BCR: variants seen among roughly 807,000 people sequenced by gnomAD.
BCR encodes the protein breakpoint cluster region protein.
Under a neutral mutation model 138.6 loss-of-function variants are expected in BCR, and 58 were observed. The ratio of observed to expected loss-of-function variants is 0.42; its 90% CI spans 0.34 to 0.52. BCR has a LOEUF of 0.52. BCR is among the 20% of genes least tolerant of loss of function. The pLI is 0.06. For synonymous variants in BCR, 786 were observed against 730.1 expected (o/e 1.08, Z -1.23); for missense variants, 1,599 against 1,727.2 (o/e 0.93, Z 1.32).
At chr22:23,208,682 G>A (rs960640062) in intron 1 of BCR, among the ~76,000 whole-genome samples, 2 of 152,022 alleles carry the variant, frequency 1.3e-5, no homozygotes, top group East Asian at 1.9e-4. Flanking sequence ...GTGAAACCCC[G>A]TCTCTACTAA....
At chr22:23,214,841 A>G (rs984944160) in intron 1 of BCR, among the ~76,000 whole-genome samples, 7 of 152,054 alleles carry the variant, frequency 4.6e-5, no homozygotes, top group Admixed American at 3.9e-4. Flanking sequence ...AAAATTTACC[A>G]CTTCAGCCAT....
At chr22:23,275,705 T>A (rs2073567672) in intron 8 of BCR, among the ~76,000 whole-genome samples, 1 of 152,226 alleles carries the variant, frequency 6.6e-6, no homozygotes. Context: ...TAAGTGGATG[T>A]TGGATTTGCT....
chr22:23,264,080 C>G, intron 4 of BCR: 2 of 1,295,190 alleles, frequency 1.5e-6, no homozygotes, highest in Admixed American at 1.7e-5. Flanking sequence ...GCTACTGGGA[C>G]TGCCGCACCA....
chr22:23,303,081 A>C (rs1393996064), intron 16 of BCR, among the ~76,000 whole-genome samples: 1 of 151,114 alleles, frequency 6.6e-6, no homozygotes, highest in African/African-American at 2.4e-5. Context: ...TGGCTCAGCA[A>C]TTTCTAGTGC....
chr22:23,209,021 C>T (rs189717826), intron 1 of BCR, among the ~76,000 whole-genome samples: 139 of 152,270 alleles, frequency 9.1e-4, no homozygotes, highest in African/African-American at 3.2e-3. Context: ...TTTCACGTAA[C>T]GTCATGTCCT....
intron 20 of BCR, 43 bp from the exon 21 acceptor site, chr22:23,313,925 T>C: frequency 2.0e-6 from 3 of 1,530,596 alleles, no homozygotes; most frequent in Non-Finnish European, 2.7e-6. Context: ...GAGAGGTCTC[T>C]GGCTCGTTGT....
chr22:23,238,332 A>G (rs147803114), intron 1 of BCR, among the ~76,000 whole-genome samples: 20 of 152,096 alleles, frequency 1.3e-4, no homozygotes, highest in African/African-American at 4.3e-4. Context: ...TCCGGGGGAA[A>G]ATCCATTTGA....
At chr22:23,281,031 C>T (rs927789968) in intron 8 of BCR, among the ~76,000 whole-genome samples, 1 of 152,228 alleles carries the variant, frequency 6.6e-6, no homozygotes, top group Non-Finnish European at 1.5e-5. Context: ...AGGCCACAGG[C>T]CTGTGTGGGG....
intron 1 of BCR, among the ~76,000 whole-genome samples, chr22:23,196,550 T>C (rs5759637): frequency 0.29 from 44,094 of 152,004 alleles, 6,502 homozygotes; most frequent in East Asian, 0.35. Context: ...GGTTCCAGGA[T>C]TCCCTTGGGC....
At chr22:23,220,076 G>C (rs1602028530) in intron 1 of BCR, among the ~76,000 whole-genome samples, 1 of 152,188 alleles carries the variant, frequency 6.6e-6, no homozygotes, top group African/African-American at 2.4e-5. Context: ...TCTGCCACCT[G>C]CCCTTTGAGG....
chr22:23,216,852 T>C (rs768127261), intron 1 of BCR, among the ~76,000 whole-genome samples: 7 of 152,244 alleles, frequency 4.6e-5, no homozygotes, highest in Non-Finnish European at 7.3e-5. Context: ...TTGCTTCTCA[T>C]GGAGGCTAGG....
rs140504 is a variant in BCR at position 23,285,182 on chromosome 22, A to G, written c.2387A>G (p.Asn796Ser). Residue 796 changes from asparagine to serine, a missense_variant, in exon 10 of 23, where the codon AAT becomes AGT. Transcript: ENST00000305877. ...AAGATCAAGATCTCCCAGATCAAGA[A>G]TGACATCCAGAGAGAGAAGGTGCAC... ...ALKIKISQIKNDIQREKRANK... is the reference protein window; with the variant it reads ...ALKIKISQIKSDIQREKRANK... The G allele has an allele frequency of 0.84, 1,347,619 of 1,612,318 alleles. 567,233 individuals are homozygous for G. Among genetic ancestry groups the G allele is most frequent in the African/African-American group, 0.94 (70,316 of 74,972 alleles).
intron 14 of BCR, among the ~76,000 whole-genome samples, chr22:23,291,655 G>T (rs3788360): frequency 2.0e-5 from 3 of 151,722 alleles, no homozygotes; most frequent in African/African-American, 7.3e-5. Flanking sequence ...TCCTTGCCCC[G>T]TGCACTCAAC....
chr22:23,310,044 A>G (rs1282205941), intron 17 of BCR: 2 of 453,150 alleles, frequency 4.4e-6, no homozygotes, highest in Non-Finnish European at 8.3e-6. Context: ...CCTGGGCAAC[A>G]TTGCAAGCTC....
chr22:23,192,362 C>T (rs2072426745), intron 1 of BCR, among the ~76,000 whole-genome samples: 1 of 152,166 alleles, frequency 6.6e-6, no homozygotes, highest in South Asian at 2.1e-4. Flanking sequence ...AATGACTTTG[C>T]GGAGGTGGAG....
intron 1 of BCR, among the ~76,000 whole-genome samples, chr22:23,238,220 A>AG (rs1035593084): frequency 6.6e-6 from 1 of 152,090 alleles, no homozygotes; most frequent in Non-Finnish European, 1.5e-5. Flanking sequence ...CCTTGGAGGT[A>AG]GGGTGGGGGA....
chr22:23,249,668 G>T (rs952853625), intron 1 of BCR, among the ~76,000 whole-genome samples: 9 of 152,186 alleles, frequency 5.9e-5, no homozygotes, highest in African/African-American at 2.2e-4. Context: ...GAAAAAGCAG[G>T]TTCCTGTGTG....
chr22:23,295,254 T>G, intron 16 of BCR, 99 bp downstream of exon 16: 77 of 509,772 alleles, frequency 1.5e-4, no homozygotes, highest in East Asian at 4.4e-4. Flanking sequence ...GCACCCAGGG[T>G]GGGGTGGGGT....
chr22:23,290,605 G>A (rs769688902), intron 14 of BCR, 192 bp downstream of exon 14: 85 of 608,184 alleles, frequency 1.4e-4, no homozygotes, highest in Middle Eastern at 4.5e-4. Context: ...TCCCGGAGTG[G>A]CCTCTGCCCT....
Sources: allele counts gnomAD v4.1 joint callset (sites outside exome capture counted in the v4.1 genomes callset), GRCh38; gene constraint gnomAD v4.1.1; transcripts MANE v1.5; gene names NCBI Gene and HGNC (gene_info 2026-07-23, HGNC 2026-07-21).